The following BCAS1 variants were observed in gnomAD, a reference collection of about 807,000 sequenced individuals.
The protein encoded by BCAS1 is brain enriched myelin associated protein 1.
Under a neutral mutation model 65.4 loss-of-function variants are expected in BCAS1, and 46 were observed. The ratio of observed to expected loss-of-function variants is 0.70; its 90% CI spans 0.55 to 0.90. The LOEUF (loss-of-function observed/expected upper bound fraction) is 0.90. Ranked by LOEUF, BCAS1 falls within the 40% of genes least tolerant of loss-of-function variation. The pLI, the probability that BCAS1 is intolerant of heterozygous loss-of-function variation, is 0.00. For missense variants in BCAS1, 793 were observed against 771.2 expected, an observed-to-expected ratio of 1.03 and a Z score of -0.33; for synonymous variants, 298 against 293.5, an observed-to-expected ratio of 1.02 and a Z score of -0.16.
chr20:53,980,881 A>C (rs1276250597), intron 8 of BCAS1, among the ~76,000 whole-genome samples: 4 of 152,172 alleles, frequency 2.6e-5, no homozygotes, highest in Admixed American at 2.6e-4. Context: ...TTTTCAATTC[A>C]TTATTTTCTA....
At chr20:54,017,302 C>T (rs1444274463) in intron 4 of BCAS1, among the ~76,000 whole-genome samples, 2 of 152,034 alleles carry the variant, frequency 1.3e-5, no homozygotes, top group Non-Finnish European at 2.9e-5. Flanking sequence ...TCTTGTTTCC[C>T]TTTTGGCAGC....
At chr20:53,976,892 A>G (rs1331268487) in intron 8 of BCAS1, among the ~76,000 whole-genome samples, 2 of 152,242 alleles carry the variant, frequency 1.3e-5, no homozygotes, top group African/African-American at 4.8e-5. Flanking sequence ...TTATCAGGAA[A>G]TTGTAATGTG....
At chr20:53,968,151 G>A (rs748748493) in intron 9 of BCAS1, among the ~76,000 whole-genome samples, 18 of 152,234 alleles carry the variant, frequency 1.2e-4, no homozygotes, top group Non-Finnish European at 2.5e-4. Flanking sequence ...ACGCGACCAC[G>A]CCTGATGGAT....
intron 12 of BCAS1, among the ~76,000 whole-genome samples, chr20:53,951,789 GC>G (rs981794378): frequency 4.6e-5 from 7 of 152,314 alleles, no homozygotes; most frequent in African/African-American, 1.7e-4. Flanking sequence ...ATCAACATCT[GC>G]CTTCCTCACA....
chr20:53,972,698 T>C (rs999607703), intron 9 of BCAS1, among the ~76,000 whole-genome samples: 3 of 152,254 alleles, frequency 2.0e-5, no homozygotes, highest in African/African-American at 7.2e-5. Context: ...ATTTGGCCCA[T>C]GAGCTACAGT....
rs566774715 is a variant in BCAS1, at chr20:54,066,283, A to G, written c.-6+4150T>C. Among the ~76,000 whole-genome samples the G allele has an allele frequency of 8.6e-4, 131 of 152,326 alleles. 2 individuals carry two copies. Among genetic ancestry groups the G allele is most frequent in the East Asian group, 1.7e-3 (9 of 5,178 alleles). ...GAGACGGGGTTTCCCCGTGTTAGCC[A>G]GGATGGTCTCGATCTCCTGACCTCG... On this transcript the variant is annotated intron_variant, in intron 1 of 12. Coordinates refer to ENST00000688948, the MANE Select transcript of BCAS1 (RefSeq NM_001366298.2).
At chr20:53,998,308 C>T (rs1281077720) in intron 4 of BCAS1, among the ~76,000 whole-genome samples, 4 of 152,094 alleles carry the variant, frequency 2.6e-5, no homozygotes, top group Non-Finnish European at 4.4e-5. Flanking sequence ...TAAAGACATA[C>T]CTGATTCTGG....
chr20:53,983,506 C>A lies in BCAS1; in HGVS notation c.1275+1781G>T, dbSNP rs542704000. Reference sequence around the variant, plus strand: ...ACTTTTAGCTTTTACATCAGTGTTTCTCAAACTTTAGCCACTGGCACACCA... The same window carrying A: ...ACTTTTAGCTTTTACATCAGTGTTTATCAAACTTTAGCCACTGGCACACCA... On this transcript the variant is annotated intron_variant, in intron 8 of 12. Transcript: ENST00000688948. Among the ~76,000 whole-genome samples, 490 of 152,326 alleles carry A rather than the reference C, an allele frequency of 3.2e-3. 4 individuals carry two copies. The highest frequency in any genetic ancestry group is 0.011 in the African/African-American group (468 of 41,572).
intron 3 of BCAS1, among the ~76,000 whole-genome samples, chr20:54,056,355 A>G (rs1315095527): frequency 6.6e-6 from 1 of 152,170 alleles, no homozygotes; most frequent in African/African-American, 2.4e-5. Context: ...CAACTTAAGG[A>G]CAGAAACCAA....
In BCAS1 at chr20:54,058,627, TG is replaced by T; in HGVS notation, c.72+19del. The T allele has an allele frequency of 7.5e-7, 1 of 1,330,892 alleles. No individual in the cohort carries two copies. The highest frequency in any genetic ancestry group is 1.0e-6 in the Non-Finnish European group (1 of 966,106). The allele number at this position is 1,330,892 out of a possible 1,614,324, so 82.4% of individuals were successfully genotyped here. Reference sequence around the variant, plus strand: ...TTTTTTTTTTTTCTGCTGATGCCCCTGTAATGGTTACTACACTACCTGGTAA... The same window carrying T: ...TTTTTTTTTTTTCTGCTGATGCCCCTTAATGGTTACTACACTACCTGGTAA... On this transcript the variant is annotated intron_variant, in intron 2 of 12. Transcript: ENST00000688948.
rs960442075 is a variant in BCAS1 at position 54,037,380 on chromosome 20, A to G, written c.143-8408T>C. Among the ~76,000 whole-genome samples, 46 of 151,348 alleles carry G rather than the reference A, an allele frequency of 3.0e-4. 1 individual carries two copies. The highest frequency in any genetic ancestry group is 9.2e-4 in the African/African-American group (38 of 41,316). On this transcript the variant is annotated intron_variant, in intron 3 of 12. Transcript: ENST00000688948. ...TGGAGGAAACTGTCCCCATGATCCA[A>G]TCACCTCCACCTGGTCTCTCCCTTG...
intron 7 of BCAS1, among the ~76,000 whole-genome samples, chr20:53,990,087 G>A (rs970236717): frequency 3.9e-5 from 6 of 152,144 alleles, no homozygotes; most frequent in Admixed American, 1.3e-4. Context: ...GTGGGAGAGA[G>A]GAGATGTTAG....
Position 53,966,850 on chromosome 20 carries a change from T to C in BCAS1, c.1485+56A>G, listed in dbSNP as rs1047811486. The C allele has an allele frequency of 4.0e-6, 6 of 1,512,890 alleles. No homozygotes were observed. The African/African-American group carries it at 7.0e-5, about 18-fold the overall frequency. The allele number at this position is 1,512,890 out of a possible 1,614,324, so 93.7% of individuals were successfully genotyped here. A position where few individuals can be genotyped will look rare whatever the true frequency, so the allele number is the denominator to read the frequency against. On this transcript the variant is annotated intron_variant, in intron 10 of 12. Coordinates refer to ENST00000688948, the MANE Select transcript of BCAS1 (RefSeq NM_001366298.2). ...ACTACCTGTGGCATGAGCCCATTGT[T>C]CCCAGAAGCCGCTCTAGGTATCTTA...
chr20:54,004,022 C>T (rs1333336686), intron 4 of BCAS1, among the ~76,000 whole-genome samples: 2 of 152,162 alleles, frequency 1.3e-5, no homozygotes, highest in Non-Finnish European at 2.9e-5. Flanking sequence ...TATGTCCGCG[C>T]ACACACACAG....
At chr20:54,058,992 C>G (rs138017518) in intron 1 of BCAS1, among the ~76,000 whole-genome samples, 1 of 152,132 alleles carries the variant, frequency 6.6e-6, no homozygotes, top group African/African-American at 2.4e-5. Context: ...GCAGAAGACA[C>G]CTCTCCACAG....
chr20:53,975,263 G>T, intron 9 of BCAS1, 126 bp downstream of exon 9: 2 of 753,220 alleles, frequency 2.7e-6, no homozygotes, highest in East Asian at 2.7e-5. Context: ...GGATAAGAGA[G>T]TCTACAACAA....
At chr20:53,979,773 T>C (rs2090430927) in intron 8 of BCAS1, among the ~76,000 whole-genome samples, 1 of 152,222 alleles carries the variant, frequency 6.6e-6, no homozygotes. Flanking sequence ...CAGCATTCTA[T>C]GAAAATTGCT....
chr20:54,057,685 G>A (rs1274042967), intron 3 of BCAS1, among the ~76,000 whole-genome samples: 1 of 152,204 alleles, frequency 6.6e-6, no homozygotes, highest in African/African-American at 2.4e-5. Flanking sequence ...TTAAGATGAG[G>A]TTATTAGGGT....
chr20:54,007,935 G>C (rs2091237147), intron 4 of BCAS1, among the ~76,000 whole-genome samples: 1 of 152,120 alleles, frequency 6.6e-6, no homozygotes. Flanking sequence ...TGAATTCCTT[G>C]GGTTTTCTTT....
Sources: gnomAD v4.1 joint callset for allele counts (sites outside exome capture counted in the v4.1 genomes callset) on GRCh38, gnomAD v4.1.1 for gene constraint, MANE v1.5 for transcripts, NCBI Gene and HGNC (gene_info 2026-07-23, HGNC 2026-07-21) for gene names.